The following NCAM1 variants were observed in gnomAD, a reference collection of about 807,000 sequenced individuals.
NCAM1 encodes the protein antigen recognized by monoclonal antibody 5.1H11.
In NCAM1, 14 loss-of-function variants were observed where a neutral mutation model predicts 109.8. That is an observed-to-expected ratio of 0.13 (90% CI 0.08 to 0.20). NCAM1 has a LOEUF of 0.20. Ranked by LOEUF, NCAM1 falls within the 10% of genes least tolerant of loss-of-function variation. The pLI is 1.00. For missense variants in NCAM1, 774 were observed against 1,109.9 expected (o/e 0.70, Z 4.30); for synonymous variants, 418 against 442.9 (o/e 0.94, Z 0.70).
chr11:113,023,186 G>A (rs782418156), intron 1 of NCAM1, among the ~76,000 whole-genome samples: 21 of 152,238 alleles, frequency 1.4e-4, no homozygotes, highest in Non-Finnish European at 2.4e-4. Flanking sequence ...GGCATCATAA[G>A]TGTGGGTTAT....
At chr11:113,178,278 A>G (rs1555107406) in intron 1 of NCAM1, among the ~76,000 whole-genome samples, 1 of 152,182 alleles carries the variant, frequency 6.6e-6, no homozygotes, top group African/African-American at 2.4e-5. Flanking sequence ...AAGACATCGG[A>G]GAAGAGTAAA....
chr11:113,025,719 CAA>C (rs57264295), intron 1 of NCAM1, among the ~76,000 whole-genome samples: 23,589 of 99,598 alleles, frequency 0.24, 2,760 homozygotes, highest in Admixed American at 0.31. Context: ...CCACATCTCA[CAA>C]AAAAAAAAAA....
At chr11:113,259,200 C>T (rs999213918) in intron 16 of NCAM1, among the ~76,000 whole-genome samples, 47 of 151,550 alleles carry the variant, frequency 3.1e-4, no homozygotes, top group East Asian at 5.8e-4. Context: ...TACAGGCGCC[C>T]GCCACTACGC....
intron 8 of NCAM1, among the ~76,000 whole-genome samples, chr11:113,217,699 C>G (rs1264996086): frequency 6.6e-6 from 1 of 152,194 alleles, no homozygotes; most frequent in Non-Finnish European, 1.5e-5. Flanking sequence ...CACATATCCC[C>G]TATCCTGTTC....
At chr11:112,999,452 GA>G (rs1340286476) in intron 1 of NCAM1, among the ~76,000 whole-genome samples, 2 of 151,842 alleles carry the variant, frequency 1.3e-5, no homozygotes, top group Admixed American at 6.6e-5. Flanking sequence ...AGAGAATCTT[GA>G]AAAAAACTAT....
At chr11:113,178,734 T>C (rs1461805023) in intron 1 of NCAM1, among the ~76,000 whole-genome samples, 1 of 152,202 alleles carries the variant, frequency 6.6e-6, no homozygotes, top group Non-Finnish European at 1.5e-5. Flanking sequence ...CCCTGGTTGA[T>C]GTCAGGACAG....
At chr11:113,034,665 C>G (rs1276725442) in intron 1 of NCAM1, among the ~76,000 whole-genome samples, 2 of 152,058 alleles carry the variant, frequency 1.3e-5, no homozygotes, top group Non-Finnish European at 2.9e-5. Context: ...TAGGATCGTA[C>G]AGAAGATGAA....
At chr11:113,254,530 T>C (rs566803971) in intron 15 of NCAM1, among the ~76,000 whole-genome samples, 1 of 152,356 alleles carries the variant, frequency 6.6e-6, no homozygotes, top group South Asian at 2.1e-4. Flanking sequence ...AGTAGTGGGC[T>C]CTTCCTTAGC....
intron 1 of NCAM1, among the ~76,000 whole-genome samples, chr11:113,077,207 A>G (rs1938565779): frequency 6.6e-6 from 1 of 152,178 alleles, no homozygotes; most frequent in African/African-American, 2.4e-5. Context: ...TGCTATTATA[A>G]AGGTATGAAG....
chr11:113,069,792 C>T (rs112322600), intron 1 of NCAM1, among the ~76,000 whole-genome samples: 233 of 152,128 alleles, frequency 1.5e-3, no homozygotes, highest in African/African-American at 5.2e-3. Flanking sequence ...TTTTGGTAGA[C>T]GGGAGGGAGA....
In NCAM1 at chr11:113,235,182, C is replaced by T. The variant is rs1382400797; in HGVS notation, c.1825+18C>T. The T allele has an allele frequency of 6.2e-7, 1 of 1,613,778 alleles. No homozygotes were observed. Among genetic ancestry groups the T allele is most frequent in the East Asian group, 2.2e-5 (1 of 44,880 alleles). Reference sequence around the variant, plus strand: ...GCCAGTCCGTAAGTAAAGCCAGCTGCCCCCCTTTTCCCAGCCCACCTTCTT... The same window carrying T: ...GCCAGTCCGTAAGTAAAGCCAGCTGTCCCCCTTTTCCCAGCCCACCTTCTT... On this transcript the variant is annotated intron_variant, in intron 14 of 19. Coordinates refer to ENST00000316851, the MANE Select transcript of NCAM1 (RefSeq NM_181351.5).
chr11:113,237,588 G>T (rs1245189976), intron 14 of NCAM1, among the ~76,000 whole-genome samples: 1 of 152,138 alleles, frequency 6.6e-6, no homozygotes, highest in Non-Finnish European at 1.5e-5. Flanking sequence ...AGCCACTCTG[G>T]GCATGAGGGA....
chr11:113,050,539 T>C (rs1470977209), intron 1 of NCAM1, among the ~76,000 whole-genome samples: 1 of 152,216 alleles, frequency 6.6e-6, no homozygotes, highest in Non-Finnish European at 1.5e-5. Flanking sequence ...TTTATCTGTG[T>C]GTCTATTTTT....
chr11:113,243,854 A>G (rs1424415414), intron 14 of NCAM1: 2 of 196,800 alleles, frequency 1.0e-5, no homozygotes, highest in Non-Finnish European at 2.2e-5. Flanking sequence ...AACAGAGAAG[A>G]AAAGAGTTTC....
intron 1 of NCAM1, among the ~76,000 whole-genome samples, chr11:113,157,604 A>G (rs782568509): frequency 2.0e-4 from 30 of 152,140 alleles, no homozygotes; most frequent in Admixed American, 1.4e-3. Context: ...GAGGACCCCA[A>G]AGATCTTTTA....
At chr11:112,970,504 G>A (rs1689181097) in intron 1 of NCAM1, among the ~76,000 whole-genome samples, 1 of 152,126 alleles carries the variant, frequency 6.6e-6, no homozygotes, top group Admixed American at 6.5e-5. Context: ...CTGTATGCGG[G>A]GAAAGGACAC....
intron 15 of NCAM1, among the ~76,000 whole-genome samples, chr11:113,253,411 G>A (rs1471218105): frequency 6.6e-6 from 1 of 152,166 alleles, no homozygotes; most frequent in African/African-American, 2.4e-5. Context: ...AACAGCCCAG[G>A]TGTAGTTGGT....
At position 113,256,000 on chromosome 11, in the gene NCAM1, C is replaced by T. The variant is rs201635814; in HGVS notation, c.1952C>T (p.Ala651Val). The stretch of plus-strand genomic sequence containing the variant: ...AGACACTATCTGGTCAGGTACCGAG[C>T]GGTGAGTGGCCTCCTTCTCAGACTT... ...PIRHYLVRYR[A>V]LSSEWKPEIR... Residue 651 changes from alanine (A) to valine (V), a missense_variant and splice_region_variant, in exon 16 of 20, where the codon GCG becomes GTG. Coordinates refer to ENST00000316851, the MANE Select transcript of NCAM1 (RefSeq NM_181351.5). The T allele has an allele frequency of 1.4e-4, 222 of 1,596,506 alleles. No individual in the cohort carries two copies. The highest frequency in any genetic ancestry group is 2.1e-4 in the East Asian group (9 of 43,870).
chr11:112,961,721 A>G (rs1950568991), intron 1 of NCAM1, 57 bp downstream of exon 1: 8 of 1,082,020 alleles, frequency 7.4e-6, no homozygotes, highest in Admixed American at 6.6e-5. Context: ...CCTTCCTCCT[A>G]CTCCTAGGAG....
Sources: allele counts gnomAD v4.1 joint callset (sites outside exome capture counted in the v4.1 genomes callset), GRCh38; gene constraint gnomAD v4.1.1; transcripts MANE v1.5; gene names NCBI Gene and HGNC (gene_info 2026-07-23, HGNC 2026-07-21).